The following FKBP5 variants were observed in gnomAD, a reference collection of about 807,000 sequenced individuals.
FKBP5 encodes peptidyl-prolyl cis-trans isomerase FKBP5.
Under a neutral mutation model 50.5 loss-of-function variants are expected in FKBP5, and 23 were observed. The ratio of observed to expected loss-of-function variants is 0.46; its 90% CI spans 0.33 to 0.65. The LOEUF is 0.65. Ranked by LOEUF, FKBP5 falls within the 30% of genes least tolerant of loss-of-function variation. The probability of loss-of-function intolerance (pLI) is 0.02; values close to 1 mark genes in which losing one functional copy is unlikely to be tolerated. For missense variants in FKBP5, 411 were observed against 553.1 expected, an observed-to-expected ratio of 0.74 and a Z score of 2.58; for synonymous variants, 176 against 190.6, an observed-to-expected ratio of 0.92 and a Z score of 0.63.
At chr6:35,613,026 T>A (rs1205981487) in intron 5 of FKBP5, among the ~76,000 whole-genome samples, 1 of 152,152 alleles carries the variant, frequency 6.6e-6, no homozygotes, top group African/African-American at 2.4e-5. Flanking sequence ...AATTCCAAGA[T>A]TCAAAAATCA....
chr6:35,672,385 T>C (rs1039569206), intron 1 of FKBP5, among the ~76,000 whole-genome samples: 1 of 151,940 alleles, frequency 6.6e-6, no homozygotes, highest in Non-Finnish European at 1.5e-5. Flanking sequence ...TAGGCATTTG[T>C]GAATTATACA....
At chr6:35,690,065 C>T (rs1261328950), upstream of FKBP5, among the ~76,000 whole-genome samples, 1 of 152,180 alleles carries the variant, frequency 6.6e-6, no homozygotes, top group Non-Finnish European at 1.5e-5. Context: ...TATCCCATAG[C>T]CAGATTAGAA....
In FKBP5 at chr6:35,577,217, C is replaced by G. The variant is rs1762249839; in HGVS notation, c.1043G>C (p.Ser348Thr). ...CCTATACAAGCCTTTCTCATTGGCA[C>G]TGTCCAGTCCAAGGGCCTAGGAATA... is the stretch of plus-strand genomic sequence containing the variant. ...ECCDKALGLD[S>T]ANEKGLYRRG... is the part of the protein sequence containing the mutation. The change falls in exon 10 of 11, where the codon AGT (serine) becomes ACT (threonine). Residue 348 changes from serine to threonine, a missense_variant. Coordinates refer to ENST00000357266, the MANE Select transcript of FKBP5 (RefSeq NM_004117.4). 3.7e-6 allele frequency: 6 copies of G among 1,607,120 alleles called. No individual in the cohort carries two copies. Among genetic ancestry groups the G allele is most frequent in the Non-Finnish European group, 5.1e-6 (6 of 1,175,684 alleles).
chr6:35,622,753 T>C (rs1241225061), intron 3 of FKBP5, among the ~76,000 whole-genome samples: 2 of 152,174 alleles, frequency 1.3e-5, no homozygotes, highest in Non-Finnish European at 2.9e-5. Flanking sequence ...TCTCCATCAG[T>C]AGAAAGGAGG....
upstream of FKBP5, among the ~76,000 whole-genome samples, chr6:35,691,278 G>A (rs1765982794): frequency 6.6e-6 from 1 of 152,184 alleles, no homozygotes; most frequent in Non-Finnish European, 1.5e-5. Flanking sequence ...TGACAGTAGA[G>A]CTGAATCTTA....
At chr6:35,627,074 G>A (rs1764022997) in intron 3 of FKBP5, among the ~76,000 whole-genome samples, 1 of 152,080 alleles carries the variant, frequency 6.6e-6, no homozygotes, top group Non-Finnish European at 1.5e-5. Flanking sequence ...CACAGCAGCT[G>A]CACTATTTTA....
intron 1 of FKBP5, among the ~76,000 whole-genome samples, chr6:35,654,612 T>G (rs1313864903): frequency 6.6e-6 from 1 of 152,156 alleles, no homozygotes; most frequent in Non-Finnish European, 1.5e-5. Flanking sequence ...CTTTATGCAT[T>G]GCCTTTTTTG....
intron 1 of FKBP5, among the ~76,000 whole-genome samples, chr6:35,723,348 A>G (rs904843942): frequency 6.6e-6 from 1 of 152,264 alleles, no homozygotes; most frequent in African/African-American, 2.4e-5. Flanking sequence ...TGGGACACAC[A>G]GTAGGTGCTC....
chr6:35,635,203 T>C (rs1017080845), intron 3 of FKBP5, among the ~76,000 whole-genome samples: 1 of 151,994 alleles, frequency 6.6e-6, no homozygotes, highest in Non-Finnish European at 1.5e-5. Flanking sequence ...GGCGTGGTGG[T>C]GTACGCCTGT....
intron 1 of FKBP5, among the ~76,000 whole-genome samples, chr6:35,727,883 C>T (rs1766751554): frequency 1.3e-5 from 2 of 152,192 alleles, no homozygotes; most frequent in Admixed American, 1.3e-4. Flanking sequence ...CCTGGGGTAC[C>T]CAAGCAGGGG....
At chr6:35,675,072 G>A (rs536215938) in intron 1 of FKBP5, among the ~76,000 whole-genome samples, 4 of 152,296 alleles carry the variant, frequency 2.6e-5, no homozygotes, top group South Asian at 4.1e-4. Context: ...CATACTAGGC[G>A]CTGAGCTAAG....
chr6:35,718,728 GA>G (rs774610775), intron 2 of FKBP5, among the ~76,000 whole-genome samples: 1 of 152,172 alleles, frequency 6.6e-6, no homozygotes, highest in Non-Finnish European at 1.5e-5. Flanking sequence ...TTTGAATGAA[GA>G]AAGGAAGGAA....
chr6:35,662,965 A>T (rs1422564145), intron 1 of FKBP5, among the ~76,000 whole-genome samples: 1 of 152,208 alleles, frequency 6.6e-6, no homozygotes, highest in Non-Finnish European at 1.5e-5. Context: ...AGAGAGCTAC[A>T]AAGTGTTTCT....
chr6:35,597,189 C>A, intron 6 of FKBP5, 59 bp downstream of exon 6: 1 of 1,565,356 alleles, frequency 6.4e-7, no homozygotes, highest in Non-Finnish European at 8.7e-7. Flanking sequence ...AATGAAAAAG[C>A]AAGCATATCC....
chr6:35,654,018 A>G (rs925241240), intron 1 of FKBP5, among the ~76,000 whole-genome samples: 2 of 152,176 alleles, frequency 1.3e-5, no homozygotes, highest in Non-Finnish European at 2.9e-5. Flanking sequence ...ACATAAATAA[A>G]TTTCATGTTT....
At chr6:35,697,629 C>T (rs1766107495) in intron 2 of FKBP5, among the ~76,000 whole-genome samples, 2 of 151,348 alleles carry the variant, frequency 1.3e-5, no homozygotes, top group South Asian at 2.1e-4. Context: ...TGAAACTAGT[C>T]GGTCATAAAA....
At chr6:35,617,231 T>C (rs1346262541) in intron 5 of FKBP5, among the ~76,000 whole-genome samples, 1 of 152,178 alleles carries the variant, frequency 6.6e-6, no homozygotes, top group African/African-American at 2.4e-5. Context: ...TTTGCCAGAC[T>C]CGTAGAAATG....
chr6:35,704,694 C>T (rs1458396938), intron 2 of FKBP5, among the ~76,000 whole-genome samples: 1 of 134,326 alleles, frequency 7.4e-6, no homozygotes, highest in Non-Finnish European at 1.6e-5. Context: ...TGTTTGCAAT[C>T]CCAATGACAA....
chr6:35,615,348 A>G (rs775648724), intron 5 of FKBP5, among the ~76,000 whole-genome samples: 7 of 152,082 alleles, frequency 4.6e-5, no homozygotes, highest in Non-Finnish European at 8.8e-5. Context: ...TCTCCAATAA[A>G]AGGAATCAGG....
Sources: allele counts gnomAD v4.1 joint callset (sites outside exome capture counted in the v4.1 genomes callset), GRCh38; gene constraint gnomAD v4.1.1; transcripts MANE v1.5; gene names NCBI Gene and HGNC (gene_info 2026-07-23, HGNC 2026-07-21).